The following ARL10 variants were observed in gnomAD, a reference collection of about 807,000 sequenced individuals.
ARL10 encodes ARF like GTPase 10, also known as ADP-ribosylation factor-like protein 10.
In ARL10, 23 loss-of-function variants were observed where a neutral mutation model predicts 26.1. The ratio of observed to expected loss-of-function variants is 0.88; its 90% CI spans 0.63 to 1.25. The LOEUF (loss-of-function observed/expected upper bound fraction) is 1.25, where lower values mean the gene tolerates loss of function less well. ARL10 is among the 50% of genes most tolerant of loss of function. The pLI, the probability that ARL10 is intolerant of heterozygous loss-of-function variation, is 0.00. For synonymous variants in ARL10, 138 were observed against 149.1 expected (o/e 0.93, Z 0.54); for missense variants, 300 against 323.6 (o/e 0.93, Z 0.56).
At chr5:176,406,724 AG>A, downstream of ARL10, 1 of 1,281,722 alleles carries the variant, frequency 7.8e-7, no homozygotes, top group African/African-American at 1.5e-5. Context: ...GAAAAGAGGA[AG>A]AAAGGAAGCA....
chr5:176,383,469 T>G (rs1755601639), downstream of ARL10, among the ~76,000 whole-genome samples: 1 of 152,242 alleles, frequency 6.6e-6, no homozygotes, highest in Admixed American at 6.5e-5. Flanking sequence ...AGCCCACTGC[T>G]TGGCACACAA....
intron 1 of ARL10, chr5:176,396,528 C>T (rs752659726): frequency 3.7e-6 from 6 of 1,612,950 alleles, no homozygotes; most frequent in South Asian, 3.3e-5. Context: ...GCTTTGTCAG[C>T]GATCCTTGAG....
At chr5:176,401,823 T>A (rs1042749066) in exon 2 of ARL10, 1 of 454,488 alleles carries the variant, frequency 2.2e-6, no homozygotes, top group East Asian at 7.0e-5. Flanking sequence ...GATTTCTCCT[T>A]CCTTCCCATC....
At chr5:176,403,663 A>T (rs1756954823), downstream of ARL10, among the ~76,000 whole-genome samples, 1 of 151,574 alleles carries the variant, frequency 6.6e-6, no homozygotes, top group East Asian at 2.0e-4. Flanking sequence ...CATCTTGTCC[A>T]GGCTGGTCTT....
At chr5:176,403,073 G>A (rs374515208), downstream of ARL10, among the ~76,000 whole-genome samples, 16 of 144,710 alleles carry the variant, frequency 1.1e-4, no homozygotes, top group South Asian at 8.7e-4. Flanking sequence ...TTTTTGAGGC[G>A]GAGTCTCGCT....
In ARL10 at chr5:176,375,282, A is replaced by T. The variant is rs1768664900; in HGVS notation, c.*3387A>T. 4.9e-5 allele frequency: 2 copies of T among 41,218 alleles called. No individual in the cohort carries two copies. The highest frequency in any genetic ancestry group is 2.1e-4 in the African/African-American group (2 of 9,340). The allele number at this position is 41,218 out of a possible 1,614,324, so 2.6% of individuals were successfully genotyped here. On this transcript the variant is annotated 3_prime_UTR_variant, in exon 4 of 4. Transcript: ENST00000310389. ...CATCCACCCATCCACCCATCCATCCATCCACCCATCCATCCATCCATCCAT... is the reference window on the plus strand; with the variant it reads ...CATCCACCCATCCACCCATCCATCCTTCCACCCATCCATCCATCCATCCAT...
At chr5:176,386,681 C>A, downstream of ARL10, 1 of 731,310 alleles carries the variant, frequency 1.4e-6, no homozygotes, top group Non-Finnish European at 2.5e-6. Flanking sequence ...AAAAATGAGC[C>A]AGCCAGGACA....
chr5:176,404,344 G>A (rs984877705), downstream of ARL10, among the ~76,000 whole-genome samples: 1 of 152,242 alleles, frequency 6.6e-6, no homozygotes, highest in Non-Finnish European at 1.5e-5. Flanking sequence ...GCTCGCCTAG[G>A]GGCTGGGTCA....
downstream of ARL10, among the ~76,000 whole-genome samples, chr5:176,383,616 G>C (rs932132698): frequency 6.6e-6 from 1 of 152,256 alleles, no homozygotes; most frequent in African/African-American, 2.4e-5. Context: ...CAGGAGTTGA[G>C]CTCCTTACCC....
At chr5:176,400,959 G>A (rs1222484358) in intron 1 of ARL10, among the ~76,000 whole-genome samples, 4 of 152,218 alleles carry the variant, frequency 2.6e-5, no homozygotes, top group Admixed American at 6.5e-5. Flanking sequence ...CCTGGGGAGT[G>A]AGGGAAGGGC....
rs777522031 is a variant in ARL10 at position 176,398,023 on chromosome 5, A to G, written c.134-3718A>G. ...CTGTCAGCCTGGGCAATGGCTGCGTAGCCATCAGCAGGACCGTTGGCCTCC... is the reference window on the plus strand; with the variant it reads ...CTGTCAGCCTGGGCAATGGCTGCGTGGCCATCAGCAGGACCGTTGGCCTCC... On this transcript the variant is annotated intron_variant, in intron 1 of 1. Transcript: ENST00000514533. The G allele has an allele frequency of 3.1e-5, 50 of 1,613,892 alleles. No individual in the cohort carries two copies. The highest frequency in any genetic ancestry group is 4.1e-5 in the Non-Finnish European group (48 of 1,180,048).
At chr5:176,411,798 C>T in the ARL10 span, among the ~76,000 whole-genome samples, 2 of 152,214 alleles carry the variant, frequency 1.3e-5, no homozygotes, top group African/African-American at 4.8e-5. Flanking sequence ...ACCAGCCCAT[C>T]CCACAAACCC....
At chr5:176,389,567 C>T, downstream of ARL10, 2 of 1,488,060 alleles carry the variant, frequency 1.3e-6, no homozygotes, top group South Asian at 2.6e-5. Context: ...CTGGCCCTAC[C>T]GTGGGACTTA....
rs937394200 is a variant in ARL10 at position 176,393,981 on chromosome 5, C to A, written c.134-7760C>A. Reference sequence around the variant, plus strand: ...TGCCAGACATGACTGATGGCAGGAGCGCTCCATGGAAGAGCTGACCCCGGA... The same window carrying A: ...TGCCAGACATGACTGATGGCAGGAGAGCTCCATGGAAGAGCTGACCCCGGA... On this transcript the variant is annotated intron_variant, in intron 1 of 1. Coordinates refer to the ARL10 transcript ENST00000514533. The surrounding 1 kb of genome is among the most constrained non-coding windows in gnomAD (Gnocchi z 4.4). 1.3e-5 allele frequency among the ~76,000 whole-genome samples: 2 copies of A among 152,180 alleles called. No homozygotes were observed. The highest frequency in any genetic ancestry group is 2.9e-5 in the Non-Finnish European group (2 of 68,036).
downstream of ARL10, chr5:176,389,299 G>C: frequency 1.3e-6 from 2 of 1,597,220 alleles, no homozygotes; most frequent in Non-Finnish European, 1.7e-6. Flanking sequence ...GGCCCGACCT[G>C]CTGTTTCCCA....
chr5:176,385,344 A>C (rs762871340), downstream of ARL10: 7 of 1,428,578 alleles, frequency 4.9e-6, no homozygotes, highest in South Asian at 8.0e-5. Flanking sequence ...TGATGAGAGA[A>C]GCGGGGAGAC....
At chr5:176,384,613 C>T (rs1008670323), downstream of ARL10, 2 of 547,534 alleles carry the variant, frequency 3.7e-6, no homozygotes, top group African/African-American at 3.8e-5. Flanking sequence ...CCAGTGAGAC[C>T]CTGTCTCTCC....
Position 176,372,706 on chromosome 5 carries a change from C to T in ARL10, c.*811C>T. On this transcript the variant is annotated 3_prime_UTR_variant, in exon 4 of 4. Transcript: ENST00000310389. ...GCTCTCGTACTAACTGTGCCAGTGC[C>T]CATGTTTACAGAAGTCAGGGGAAGG... 1 of 393,574 alleles carries T rather than the reference C, an allele frequency of 2.5e-6. No homozygotes were observed. The highest frequency in any genetic ancestry group is 4.5e-6 in the Non-Finnish European group (1 of 223,230). The allele number at this position is 393,574 out of a possible 1,614,324, so 24.4% of individuals were successfully genotyped here.
intron 1 of ARL10, 147 bp from the exon 2 acceptor site, chr5:176,366,233 C>T (rs1768294558): frequency 2.2e-6 from 2 of 899,158 alleles, no homozygotes; most frequent in Non-Finnish European, 3.3e-6. Flanking sequence ...ACTGCAAAGG[C>T]GGCGTTCGTC....
Sources: gnomAD v4.1 joint callset for allele counts (sites outside exome capture counted in the v4.1 genomes callset) on GRCh38, gnomAD v4.1.1 for gene constraint, Gnocchi (gnomAD v3.1) non-coding constraint, MANE v1.5 for transcripts, NCBI Gene and HGNC (gene_info 2026-07-23, HGNC 2026-07-21) for gene names.